The following LMO7 variants were observed in gnomAD, a reference collection of about 807,000 sequenced individuals.
LMO7 encodes the protein LIM domain only protein 7.
A neutral mutation model predicts 206.5 loss-of-function variants in LMO7; 120 were observed. That is an observed-to-expected ratio of 0.58 (90% CI 0.50 to 0.68). LMO7 has a LOEUF of 0.68. LMO7 is among the 30% of genes least tolerant of loss of function. The probability of loss-of-function intolerance (pLI) is 0.00; values close to 1 mark genes in which losing one functional copy is unlikely to be tolerated. For missense variants in LMO7, 1,959 were observed against 1,957.9 expected (o/e 1.00, Z -0.01); for synonymous variants, 706 against 681.5 (o/e 1.04, Z -0.56).
chr13:75,626,196 A>T (rs772577825), intron 2 of LMO7, among the ~76,000 whole-genome samples: 22 of 152,078 alleles, frequency 1.4e-4, no homozygotes, highest in Non-Finnish European at 2.8e-4. Context: ...TAAACATGAG[A>T]TCTACTGTAT....
intron 10 of LMO7, 98 bp from the exon 11 acceptor site, chr13:75,809,056 G>A (rs750978295): frequency 4.4e-5 from 38 of 868,800 alleles, no homozygotes; most frequent in Non-Finnish European, 6.7e-5. Flanking sequence ...AGATTTGTCC[G>A]TCTCCAGTTA....
At chr13:75,719,272 A>C (rs2043820471) in intron 2 of LMO7, among the ~76,000 whole-genome samples, 1 of 151,890 alleles carries the variant, frequency 6.6e-6, no homozygotes, top group Non-Finnish European at 1.5e-5. Flanking sequence ...GAGCCACTGC[A>C]CCCAACCAGT....
At chr13:75,843,962 G>A (rs942036478) in intron 25 of LMO7, among the ~76,000 whole-genome samples, 2 of 152,172 alleles carry the variant, frequency 1.3e-5, no homozygotes, top group African/African-American at 4.8e-5. Flanking sequence ...GAAAAATCTA[G>A]TGATAGATGA....
chr13:75,811,735 A>G lies in LMO7; in HGVS notation c.1946+2552A>G, dbSNP rs116998724. Among the ~76,000 whole-genome samples, 18 of 152,270 alleles carry G rather than the reference A, an allele frequency of 1.2e-4. No homozygotes were observed. In the East Asian group the frequency reaches 3.5e-3, roughly 29 times the overall value. On this transcript the variant is annotated intron_variant, in intron 11 of 30. Coordinates refer to ENST00000377534, the MANE Select transcript of LMO7 (RefSeq NM_001306080.2). The stretch of plus-strand genomic sequence containing the variant: ...TTTCTTCTATGTGCTTTCGTCTTGC[A>G]TGGATTTATGTCTGTATGGTTTCAT...
intron 15 of LMO7, among the ~76,000 whole-genome samples, chr13:75,826,348 A>G (rs2058113022): frequency 6.6e-6 from 1 of 151,834 alleles, no homozygotes; most frequent in Non-Finnish European, 1.5e-5. Flanking sequence ...AGCTGATGTT[A>G]CTCTTTTCTA....
At chr13:75,830,848 T>C (rs1278541584) in intron 15 of LMO7, among the ~76,000 whole-genome samples, 1 of 152,196 alleles carries the variant, frequency 6.6e-6, no homozygotes, top group African/African-American at 2.4e-5. Context: ...TTATGTAGTT[T>C]GAGAGTATTT....
At chr13:75,645,635 C>A (rs1043689565) in intron 1 of LMO7, among the ~76,000 whole-genome samples, 1 of 152,142 alleles carries the variant, frequency 6.6e-6, no homozygotes, top group East Asian at 1.9e-4. Flanking sequence ...AATAAGCAAA[C>A]GTATTGCCTC....
intron 23 of LMO7, 81 bp from the exon 24 acceptor site, chr13:75,841,546 TA>T: frequency 9.6e-7 from 1 of 1,041,632 alleles, no homozygotes; most frequent in Non-Finnish European, 1.4e-6. Context: ...TAGTAGCATC[TA>T]AAACTGAATA....
chr13:75,711,062 G>A (rs1334558692), intron 1 of LMO7, among the ~76,000 whole-genome samples: 1 of 152,106 alleles, frequency 6.6e-6, no homozygotes, highest in African/African-American at 2.4e-5. Flanking sequence ...ATAATCATAT[G>A]GTTTTTGTCA....
At chr13:75,801,955 C>G (rs1486085377) in intron 7 of LMO7, among the ~76,000 whole-genome samples, 4 of 116,824 alleles carry the variant, frequency 3.4e-5, no homozygotes, top group African/African-American at 6.1e-5. Context: ...ACTCATCTCT[C>G]TCTCCTCTCT....
intron 1 of LMO7, among the ~76,000 whole-genome samples, chr13:75,644,254 C>G (rs938340929): frequency 1.3e-5 from 2 of 152,054 alleles, no homozygotes; most frequent in Non-Finnish European, 2.9e-5. Context: ...TTATAATGGA[C>G]TATTCTTACT....
chr13:75,642,260 G>T (rs1259408797), intron 1 of LMO7, among the ~76,000 whole-genome samples: 1 of 152,184 alleles, frequency 6.6e-6, no homozygotes, highest in East Asian at 1.9e-4. Context: ...AGCTAGAAAT[G>T]GACTTCTTTC....
At chr13:75,626,224 G>T (rs571480200) in intron 2 of LMO7, among the ~76,000 whole-genome samples, 18 of 152,186 alleles carry the variant, frequency 1.2e-4, no homozygotes, top group African/African-American at 4.3e-4. Flanking sequence ...TTTTCACACT[G>T]CTGATAAAGA....
At position 75,709,152 on chromosome 13, in the gene LMO7, A is replaced by C. The variant is rs564134239; in HGVS notation, c.70-4030A>C. On this transcript the variant is annotated intron_variant, in intron 1 of 30. Coordinates refer to ENST00000377534, the MANE Select transcript of LMO7 (RefSeq NM_001306080.2). The stretch of plus-strand genomic sequence containing the variant: ...TCATCATTTTTTATGGCAGCATAGT[A>C]TTCCATGGTGTATATGTGCCACACT... Among the ~76,000 whole-genome samples, 5 of 152,318 alleles carry C rather than the reference A, an allele frequency of 3.3e-5. No homozygotes were observed. The South Asian group carries it at 6.2e-4, about 19-fold the overall frequency.
intron 1 of LMO7, among the ~76,000 whole-genome samples, chr13:75,711,087 A>G (rs1361560759): frequency 2.0e-5 from 3 of 152,164 alleles, no homozygotes; most frequent in Non-Finnish European, 4.4e-5. Flanking sequence ...TTCTGTTTAT[A>G]TGCTGTATTA....
At chr13:75,734,918 T>TCTCTACTAAAGACAGGGTTTAGTA (rs1411907678) in intron 3 of LMO7, among the ~76,000 whole-genome samples, 2 of 152,028 alleles carry the variant, frequency 1.3e-5, no homozygotes, top group African/African-American at 4.8e-5. Context: ...GCTAACACGG[T>TCTCTACTAAAGACAGGGTTTAGTA]GAAACCCTGT....
chr13:75,646,486 C>T (rs1446652059), intron 1 of LMO7, among the ~76,000 whole-genome samples: 4 of 152,132 alleles, frequency 2.6e-5, no homozygotes, highest in East Asian at 1.9e-4. Flanking sequence ...GATCTGTTCC[C>T]GGCTTGCCTA....
chr13:75,859,266 T>C lies in LMO7; in HGVS notation c.*1323T>C, dbSNP rs962191307. On this transcript the variant is annotated 3_prime_UTR_variant, in exon 31 of 31. Transcript: ENST00000377534. ...AGATAAAAATTTTATTTAGTACTTA[T>C]TCTGATTATTATTAAAGTAATAATG... is the stretch of plus-strand genomic sequence containing the variant. 3.3e-5 allele frequency: 5 copies of C among 152,178 alleles called. No individual in the cohort carries two copies. Among genetic ancestry groups the C allele is most frequent in the Non-Finnish European group, 5.9e-5 (4 of 68,014 alleles). The allele number at this position is 152,178 out of a possible 1,614,324, so 9.4% of individuals were successfully genotyped here.
chr13:75,844,396 C>A (rs893763124), intron 25 of LMO7, among the ~76,000 whole-genome samples: 3 of 149,716 alleles, frequency 2.0e-5, no homozygotes, highest in Non-Finnish European at 3.0e-5. Flanking sequence ...CTATTATTTT[C>A]TTTTTCTTTT....
Sources: gnomAD v4.1 joint callset for allele counts (sites outside exome capture counted in the v4.1 genomes callset) on GRCh38, gnomAD v4.1.1 for gene constraint, MANE v1.5 for transcripts, NCBI Gene and HGNC (gene_info 2026-07-23, HGNC 2026-07-21) for gene names.